NPNT: variants seen among roughly 807,000 people sequenced by gnomAD.
NPNT encodes the protein preosteoblast EGF-like repeat protein with MAM domain.
Under a neutral mutation model 68.6 loss-of-function variants are expected in NPNT, and 45 were observed. The observed-to-expected ratio is 0.66, with a 90% CI of 0.52 to 0.84. NPNT has a LOEUF of 0.84. NPNT is among the 40% of genes least tolerant of loss of function. The pLI is 0.00. For synonymous variants in NPNT, 233 were observed against 253.3 expected (o/e 0.92, Z 0.76); for missense variants, 672 against 714.8 (o/e 0.94, Z 0.68).
At chr4:105,922,651 A>G (rs1266034006) in intron 2 of NPNT, among the ~76,000 whole-genome samples, 2 of 152,036 alleles carry the variant, frequency 1.3e-5, no homozygotes, top group Admixed American at 1.3e-4. Context: ...ATCAAACAGA[A>G]GAGGCTTGGA....
chr4:105,910,561 T>A (rs1255792407), intron 2 of NPNT, among the ~76,000 whole-genome samples: 1 of 152,206 alleles, frequency 6.6e-6, no homozygotes, highest in Non-Finnish European at 1.5e-5. Flanking sequence ...AAAATTGTTG[T>A]GATGGTTGCA....
At chr4:105,942,929 T>C in intron 8 of NPNT, among the ~76,000 whole-genome samples, 1 of 152,232 alleles carries the variant, frequency 6.6e-6, no homozygotes, top group East Asian at 1.9e-4. Flanking sequence ...AGTCATATGG[T>C]AGATGACAGC....
Position 105,895,698 on chromosome 4 carries a change from C to T in NPNT, c.46C>T (p.Gln16Ter). Residue 16 changes from glutamine (Q) to a stop codon, truncating the protein, a stop_gained, in exon 1 of 12, where the codon CAG becomes TAG. Coordinates refer to ENST00000379987, the MANE Select transcript of NPNT (RefSeq NM_001033047.3). LOFTEE classifies it high-confidence loss of function. ...ALVLVSSLYL[Q>*]AAAEFDGRWP... ...GGTGCTGGTATCCTCGCTCTACCTG[C>T]AGGCGGCCGCCGAGTTCGACGGGAG... 3 of 1,553,820 alleles carry T rather than the reference C, an allele frequency of 1.9e-6. No individual in the cohort carries two copies. The highest frequency in any genetic ancestry group is 2.6e-6 in the Non-Finnish European group (3 of 1,148,178).
At position 105,912,333 on chromosome 4, in the gene NPNT, T is replaced by C. The variant is rs1055478573; in HGVS notation, c.172+14332T>C. On this transcript the variant is annotated intron_variant, in intron 2 of 11. Transcript: ENST00000379987. ...TTTTACAAAGCTGTAAACAAAACAT[T>C]AGTTGTGTTTTTGAATTGCTTCTTT... The C allele has an allele frequency of 9.3e-6, 8 of 862,130 alleles. No individual in the cohort carries two copies. In the African/African-American group the frequency reaches 1.0e-4, roughly 11 times the overall value. 53.4% of individuals were successfully genotyped at this position (862,130 alleles called of 1,614,324 possible).
At chr4:105,936,436 T>G (rs1231158824) in intron 3 of NPNT, among the ~76,000 whole-genome samples, 3 of 63,158 alleles carry the variant, frequency 4.7e-5, no homozygotes, top group Non-Finnish European at 1.1e-4. Flanking sequence ...ATATAGCCTA[T>G]GTAGCCTTCC....
intron 2 of NPNT, among the ~76,000 whole-genome samples, chr4:105,898,328 G>GTCTCTCTCTGTC: frequency 1.9e-5 from 1 of 53,986 alleles, no homozygotes; most frequent in Admixed American, 2.1e-4. Flanking sequence ...CTCTCTCTCT[G>GTCTCTCTCTGTC]TCTCTCTCTC....
chr4:105,946,551 T>A (rs114386867), intron 8 of NPNT, among the ~76,000 whole-genome samples: 1 of 152,174 alleles, frequency 6.6e-6, no homozygotes, highest in Non-Finnish European at 1.5e-5. Context: ...ATTTTACAGC[T>A]GGGTCTACGG....
intron 2 of NPNT, among the ~76,000 whole-genome samples, chr4:105,920,420 C>A (rs1334497672): frequency 5.8e-4 from 58 of 99,552 alleles, no homozygotes; most frequent in African/African-American, 1.8e-3. Context: ...AAAAAAAAAA[C>A]TTCACATTTC....
chr4:105,913,505 GTAATC>G (rs1383213593), intron 2 of NPNT, among the ~76,000 whole-genome samples: 2 of 152,146 alleles, frequency 1.3e-5, no homozygotes, highest in Non-Finnish European at 2.9e-5. Flanking sequence ...CTGCAATGTT[GTAATC>G]TTTAAATCTA....
At chr4:105,904,236 G>A (rs1726683736) in intron 2 of NPNT, among the ~76,000 whole-genome samples, 1 of 152,168 alleles carries the variant, frequency 6.6e-6, no homozygotes, top group Non-Finnish European at 1.5e-5. Flanking sequence ...TAAAGATGTT[G>A]TTTTGCATGT....
Position 105,942,495 on chromosome 4 carries a change from C to A in NPNT, c.952C>A (p.Pro318Thr). 6.2e-7 allele frequency: 1 copy of A among 1,613,156 alleles called. No homozygotes were observed. Among genetic ancestry groups the A allele is most frequent in the Non-Finnish European group, 8.5e-7 (1 of 1,179,740 alleles). The change falls in exon 8 of 12, where the codon CCT (proline) becomes ACT (threonine). Residue 318 changes from proline to threonine, a missense_variant. Pro to Thr is a conservative substitution (Grantham distance 38). Coordinates refer to ENST00000379987, the MANE Select transcript of NPNT (RefSeq NM_001033047.3). ...NRPTSKPTTR[P>T]TPKPTPIPTP... ...GCCTACTTCTAAGCCAACAACAAGA[C>A]CTACACCAAAGCCAACACCAATTCC...
chr4:105,906,008 A>G (rs1355503275), intron 2 of NPNT, among the ~76,000 whole-genome samples: 1 of 152,186 alleles, frequency 6.6e-6, no homozygotes, highest in Non-Finnish European at 1.5e-5. Flanking sequence ...TTGTTTGGGA[A>G]AGTATATAAA....
chr4:105,937,994 C>T (rs1729627470), intron 4 of NPNT, among the ~76,000 whole-genome samples: 1 of 152,144 alleles, frequency 6.6e-6, no homozygotes, highest in Admixed American at 6.6e-5. Flanking sequence ...GCATTTGAGA[C>T]AGTTACTTGG....
chr4:105,944,125 T>C (rs559963028), intron 8 of NPNT, among the ~76,000 whole-genome samples: 1 of 152,350 alleles, frequency 6.6e-6, no homozygotes, highest in Admixed American at 6.5e-5. Context: ...ATGTATGTTT[T>C]GGATAATCAA....
intron 8 of NPNT, among the ~76,000 whole-genome samples, chr4:105,942,965 A>C (rs556355759): frequency 3.9e-5 from 6 of 152,384 alleles, no homozygotes; most frequent in African/African-American, 1.4e-4. Context: ...GAATTCTGAC[A>C]TAGTTGGATT....
At chr4:105,915,941 G>T (rs1727782167) in intron 2 of NPNT, among the ~76,000 whole-genome samples, 1 of 152,102 alleles carries the variant, frequency 6.6e-6, no homozygotes, top group South Asian at 2.1e-4. Context: ...AAAAGAATGT[G>T]GGATAGGTAA....
intron 2 of NPNT, among the ~76,000 whole-genome samples, chr4:105,920,259 A>C (rs1227251945): frequency 6.6e-6 from 1 of 151,870 alleles, no homozygotes; most frequent in Non-Finnish European, 1.5e-5. Context: ...TTTGCAACAG[A>C]AAACTTATTC....
Position 105,905,074 on chromosome 4 carries a change from C to A in NPNT, c.172+7073C>A, listed in dbSNP as rs190773880. Among the ~76,000 whole-genome samples the A allele has an allele frequency of 1.7e-3, 239 of 144,404 alleles. 1 individual carries two copies. Among genetic ancestry groups the A allele is most frequent in the African/African-American group, 5.7e-3 (225 of 39,676 alleles). The allele number at this position is 144,404 out of a possible 152,430, so 94.7% of individuals were successfully genotyped here. A position where few individuals can be genotyped will look rare whatever the true frequency, so the allele number is the denominator to read the frequency against. On this transcript the variant is annotated intron_variant, in intron 2 of 11. Transcript: ENST00000379987. ...TTTATACCTTTGTGTATAGTATGGG[C>A]TTTTTTTTTTTCTAGACTTATAACC...
rs150346147 is a variant in NPNT, at chr4:105,959,001, C to T, written c.1247-27C>T. The T allele has an allele frequency of 2.8e-3, 3,961 of 1,422,788 alleles. 7 individuals are homozygous for T. Among genetic ancestry groups the T allele is most frequent in the Non-Finnish European group, 3.6e-3 (3,621 of 1,005,500 alleles). The allele number at this position is 1,422,788 out of a possible 1,614,324, so 88.1% of individuals were successfully genotyped here. On this transcript the variant is annotated intron_variant, in intron 9 of 11. Transcript: ENST00000379987. ...TGTTTTTTGTTGATTTTCTGATCCA[C>T]TCATCTTTCTGATTATTTCCTTGTA...
Sources: gnomAD v4.1 joint callset for allele counts (sites outside exome capture counted in the v4.1 genomes callset) on GRCh38, gnomAD v4.1.1 for gene constraint, MANE v1.5 for transcripts, NCBI Gene and HGNC (gene_info 2026-07-23, HGNC 2026-07-21) for gene names.